Variants in WDR1 observed in about 807,000 individuals in gnomAD.
WDR1 encodes WD repeat domain 1, also known as WD repeat-containing protein 1.
In WDR1, 21 loss-of-function variants were observed where a neutral mutation model predicts 71.9. The observed-to-expected ratio is 0.29, with a 90% CI of 0.21 to 0.42. The LOEUF (loss-of-function observed/expected upper bound fraction) is 0.42, where lower values mean the gene tolerates loss of function less well. Among genes scored for constraint, WDR1 ranks in the 10% least tolerant of loss-of-function variants. The pLI is 1.00. For synonymous variants in WDR1, 424 were observed against 347.4 expected (o/e 1.22, Z -2.45); for missense variants, 696 against 824.5 (o/e 0.84, Z 1.91).
In WDR1 at chr4:10,099,023, T is replaced by C. The variant is rs770235602; in HGVS notation, c.346A>G (p.Arg116Gly). The change falls in exon 4 of 15, where the codon AGG (arginine) becomes GGG (glycine). Residue 116 changes from arginine (R) to glycine (G), a missense_variant. Physicochemically the swap from Arg to Gly is moderately radical, Grantham distance 125. Coordinates refer to ENST00000499869, the MANE Select transcript of WDR1 (RefSeq NM_017491.5). Reference protein sequence around the residue: ...KDIAWTEDSKRIAVVGEGREK... With the variant: ...KDIAWTEDSKGIAVVGEGREK... The stretch of plus-strand genomic sequence containing the variant: ...CTTCCTTCCCCGACCACGGCGATCC[T>C]CTTACTGTCTTCAGTCCAAGCAATG... 3 of 1,614,036 alleles carry C rather than the reference T, an allele frequency of 1.9e-6. No individual in the cohort carries two copies. Among genetic ancestry groups the C allele is most frequent in the South Asian group, 1.1e-5 (1 of 91,084 alleles).
At chr4:10,116,626 G>C in intron 1 of WDR1, 25 bp downstream of exon 1, 2 of 1,228,842 alleles carry the variant, frequency 1.6e-6, no homozygotes, top group South Asian at 3.2e-5. Context: ...GCGGCCGCTC[G>C]GGGGCCCCGC....
In WDR1 at chr4:10,088,790, T is replaced by G. The variant is rs764693759; in HGVS notation, c.559-49A>C. On this transcript the variant is annotated intron_variant, in intron 5 of 14. Transcript: ENST00000499869. The stretch of plus-strand genomic sequence containing the variant: ...TGATGAGGGGCCGCAGGCCTGACTC[T>G]AGGTTCAAGAATGCTCTCTATGAAA... 3 of 1,420,412 alleles carry G rather than the reference T, an allele frequency of 2.1e-6. No homozygotes were observed. In the East Asian group the frequency reaches 7.4e-5, roughly 35 times the overall value. 88.0% of individuals were successfully genotyped at this position (1,420,412 alleles called of 1,614,324 possible).
At position 10,077,876 on chromosome 4, in the gene WDR1, C is replaced by G; in HGVS notation, c.1446G>C (p.Glu482Asp). 6.2e-7 allele frequency: 1 copy of G among 1,611,616 alleles called. No individual in the cohort carries two copies. Among genetic ancestry groups the G allele is most frequent in the South Asian group, 1.1e-5 (1 of 90,540 alleles). Residue 482 changes from glutamate (E) to aspartate (D), a missense_variant, in exon 13 of 15, where the codon GAG becomes GAC. Physicochemically the swap from Glu to Asp is conservative, Grantham distance 45. Transcript: ENST00000499869. ...YSILGTTLKD[E>D]GKLLEAKGPV... ...GGCCCTTGGCCTCTAGGAGCTTGCCCTCATCCTTCAGCGTGGTGCCCAGGA... is the reference window on the plus strand; with the variant it reads ...GGCCCTTGGCCTCTAGGAGCTTGCCGTCATCCTTCAGCGTGGTGCCCAGGA...
Position 10,110,449 on chromosome 4 carries a change from G to A in WDR1, c.138+5664C>T, listed in dbSNP as rs147119263. On this transcript the variant is annotated intron_variant, in intron 2 of 14. Coordinates refer to ENST00000499869, the MANE Select transcript of WDR1 (RefSeq NM_017491.5). Reference sequence around the variant, plus strand: ...AGTATCCCTCCCGTTACCTCCAACAGGGCAAGAAATGTACCAAAAGCAACA... The same window carrying A: ...AGTATCCCTCCCGTTACCTCCAACAAGGCAAGAAATGTACCAAAAGCAACA... Among the ~76,000 whole-genome samples the A allele has an allele frequency of 2.5e-3, 381 of 152,288 alleles. 6 individuals carry two copies. The highest frequency in any genetic ancestry group is 8.9e-3 in the African/African-American group (371 of 41,546).
In WDR1 at chr4:10,075,613, G is replaced by C. The variant is rs952718998; in HGVS notation, c.1715-129C>G. 12 of 828,032 alleles carry C rather than the reference G, an allele frequency of 1.4e-5. No individual in the cohort carries two copies. The East Asian group carries it at 2.1e-4, about 15-fold the overall frequency. 51.3% of individuals were successfully genotyped at this position (828,032 alleles called of 1,614,324 possible). A position where few individuals can be genotyped will look rare whatever the true frequency, so the allele number is the denominator to read the frequency against. On this transcript the variant is annotated intron_variant, in intron 14 of 14. Coordinates refer to ENST00000499869, the MANE Select transcript of WDR1 (RefSeq NM_017491.5). ...GCCAAGAAAATGGCCACGAATCGTT[G>C]TAACTCAGGAGCCTGGCACGGTGGC... is the stretch of plus-strand genomic sequence containing the variant.
At chr4:10,093,166 T>C (rs945345736) in intron 5 of WDR1, 1 of 1,288,524 alleles carries the variant, frequency 7.8e-7, no homozygotes, top group African/African-American at 1.5e-5. Context: ...ACATGCTCAC[T>C]ACCTACCTAG....
rs374675375 is a variant in WDR1 at position 10,084,501 on chromosome 4, C to G, written c.981G>C (p.Thr327=). The change falls in exon 9 of 15, where the codon ACG becomes ACC. Residue 327 remains threonine (T), a synonymous_variant. Coordinates refer to ENST00000499869, the MANE Select transcript of WDR1 (RefSeq NM_017491.5). ...AGGACTTGCCGCCGTTTTTATGCAC[C>G]GTCAGACACTGGATCGATTTACTGT... ...KGHSKSIQCL[T]VHKNGGKSYI... is the part of the protein sequence containing the mutation. 1 of 1,613,896 alleles carries G rather than the reference C, an allele frequency of 6.2e-7. No homozygotes were observed. Among genetic ancestry groups the G allele is most frequent in the African/African-American group, 1.3e-5 (1 of 75,026 alleles).
At chr4:10,108,183 A>G (rs1216472961) in intron 2 of WDR1, 1 of 152,208 alleles carries the variant, frequency 6.6e-6, no homozygotes, top group Non-Finnish European at 1.5e-5. Context: ...AACATTTACA[A>G]TTAGTGAGCC....
chr4:10,091,211 A>C (rs1053105843), intron 5 of WDR1, among the ~76,000 whole-genome samples: 17 of 152,242 alleles, frequency 1.1e-4, no homozygotes, highest in African/African-American at 4.1e-4. Flanking sequence ...CCTTGTGTTT[A>C]AGCGCAGTTC....
intron 12 of WDR1, 97 bp from the exon 13 acceptor site, chr4:10,078,023 G>A (rs1578413961): frequency 1.9e-5 from 26 of 1,381,652 alleles, no homozygotes; most frequent in South Asian, 1.1e-4. Context: ...AAACTGTGCC[G>A]TTCCCACTGA....
chr4:10,115,825 C>G (rs973022834), intron 2 of WDR1: 3 of 369,524 alleles, frequency 8.1e-6, no homozygotes, highest in African/African-American at 4.2e-5. Context: ...CAGGCCTGAC[C>G]GTGCTTAGCT....
intron 10 of WDR1, among the ~76,000 whole-genome samples, chr4:10,082,061 T>G (rs1382404457): frequency 2.6e-5 from 4 of 152,078 alleles, no homozygotes; most frequent in African/African-American, 9.7e-5. Context: ...TTGCCTTGGG[T>G]TATCTGGCCC....
intron 5 of WDR1, 100 bp from the exon 6 acceptor site, chr4:10,088,841 T>C (rs532744451): frequency 1.1e-6 from 1 of 941,990 alleles, no homozygotes; most frequent in South Asian, 1.4e-5. Context: ...CAGCTGTTCA[T>C]CAGTGTGAAC....
At chr4:10,099,174 C>CCCCGGGGGGGGGGGGGGGGGGGGGGG in intron 3 of WDR1, 35 bp from the exon 4 acceptor site, 1 of 109,374 alleles carries the variant, frequency 9.1e-6, no homozygotes, top group East Asian at 1.7e-4. Context: ...GGGGGGGAGG[C>CCCCGGGGGGGGGGGGGGGGGGGGGGG]GGTGGTGGGG....
intron 2 of WDR1, among the ~76,000 whole-genome samples, chr4:10,113,019 T>C (rs548521349): frequency 6.6e-6 from 1 of 152,284 alleles, no homozygotes; most frequent in South Asian, 2.1e-4. Flanking sequence ...AAAATTCTAT[T>C]CCGGGGACAC....
Position 10,086,692 on chromosome 4 carries a change from A to C in WDR1, c.951+1015T>G, listed in dbSNP as rs116034613. On this transcript the variant is annotated intron_variant, in intron 8 of 14. Transcript: ENST00000499869. ...CCAGAGCTCCACGGCAGCAGGATGC[A>C]ATGGGTGAGGGAAGTGCTAGGGTTT... Among the ~76,000 whole-genome samples the C allele has an allele frequency of 5.0e-3, 761 of 152,296 alleles. 10 individuals are homozygous for C. The highest frequency in any genetic ancestry group is 0.017 in the African/African-American group (707 of 41,552).
intron 3 of WDR1, among the ~76,000 whole-genome samples, chr4:10,102,900 G>A (rs1446559181): frequency 6.8e-6 from 1 of 148,062 alleles, no homozygotes; most frequent in East Asian, 2.0e-4. Context: ...GGCTGCAGAT[G>A]GCTAGGCAAG....
intron 3 of WDR1, among the ~76,000 whole-genome samples, chr4:10,100,068 G>A (rs1200533798): frequency 4.6e-5 from 7 of 152,324 alleles, no homozygotes; most frequent in South Asian, 2.1e-4. Flanking sequence ...AAGGCTTCAC[G>A]CTTTAAAACC....
intron 5 of WDR1, chr4:10,092,494 G>GACCAAGTGTA: frequency 6.5e-6 from 1 of 153,988 alleles, no homozygotes; most frequent in Non-Finnish European, 1.4e-5. Flanking sequence ...GCCTCCCACA[G>GACCAAGTGTA]GCTCTGGCAG....
Sources: gnomAD v4.1 joint callset for allele counts (sites outside exome capture counted in the v4.1 genomes callset) on GRCh38, gnomAD v4.1.1 for gene constraint, MANE v1.5 for transcripts, NCBI Gene and HGNC (gene_info 2026-07-23, HGNC 2026-07-21) for gene names.